CPQ: variants seen among roughly 807,000 people sequenced by gnomAD.
CPQ encodes Ser-Met dipeptidase.
Under a neutral mutation model 45.7 loss-of-function variants are expected in CPQ, and 37 were observed. The observed-to-expected ratio is 0.81, with a 90% confidence interval of 0.62 to 1.07. The LOEUF is 1.07. Among genes scored for constraint, CPQ ranks in the 50% least tolerant of loss-of-function variants. The probability of loss-of-function intolerance (pLI) is 0.00; values close to 1 mark genes in which losing one functional copy is unlikely to be tolerated. For synonymous variants in CPQ, 186 were observed against 205.8 expected (o/e 0.90, Z 0.82); for missense variants, 537 against 572.9 (o/e 0.94, Z 0.64).
chr8:96,703,807 G>A (rs1348197153), intron 1 of CPQ, among the ~76,000 whole-genome samples: 1 of 152,130 alleles, frequency 6.6e-6, no homozygotes, highest in Non-Finnish European at 1.5e-5. Flanking sequence ...TTTGGCTATA[G>A]TGAGGTTAAA....
chr8:96,863,881 A>G (rs1315881368), intron 3 of CPQ, among the ~76,000 whole-genome samples: 1 of 152,080 alleles, frequency 6.6e-6, no homozygotes, highest in Non-Finnish European at 1.5e-5. Flanking sequence ...ATACTGTATA[A>G]GTGACAGACT....
chr8:96,772,946 A>G (rs528278052), intron 1 of CPQ, among the ~76,000 whole-genome samples: 1 of 152,330 alleles, frequency 6.6e-6, no homozygotes, highest in East Asian at 1.9e-4. Flanking sequence ...AAAATCCATA[A>G]TAGAATGTTA....
chr8:97,112,094 C>T (rs1220424530), intron 7 of CPQ, among the ~76,000 whole-genome samples: 1 of 151,882 alleles, frequency 6.6e-6, no homozygotes, highest in African/African-American at 2.4e-5. Context: ...CTCCCATTTC[C>T]TATAAAATAT....
At chr8:96,927,624 C>A (rs1198472393) in intron 4 of CPQ, among the ~76,000 whole-genome samples, 1 of 152,142 alleles carries the variant, frequency 6.6e-6, no homozygotes, top group African/African-American at 2.4e-5. Context: ...GAGATAGGCA[C>A]CTTGTCAAAC....
chr8:96,802,160 T>A (rs768675996), intron 2 of CPQ, among the ~76,000 whole-genome samples: 4 of 152,164 alleles, frequency 2.6e-5, no homozygotes, highest in Non-Finnish European at 4.4e-5. Context: ...TTATCTCTTT[T>A]TTTCCCCTCT....
intron 6 of CPQ, among the ~76,000 whole-genome samples, chr8:97,032,600 G>C (rs1403756774): frequency 6.6e-6 from 1 of 152,160 alleles, no homozygotes; most frequent in African/African-American, 2.4e-5. Flanking sequence ...CTTCGTTCTG[G>C]CTTTCTAAAC....
intron 5 of CPQ, among the ~76,000 whole-genome samples, chr8:96,975,035 A>G (rs568033727): frequency 1.7e-4 from 26 of 152,204 alleles, no homozygotes; most frequent in South Asian, 8.3e-4. Context: ...TGAAATTTAA[A>G]AAGAAAAAAG....
At chr8:97,138,236 C>T (rs1368471119) in intron 7 of CPQ, among the ~76,000 whole-genome samples, 1 of 152,216 alleles carries the variant, frequency 6.6e-6, no homozygotes, top group African/African-American at 2.4e-5. Context: ...AGTTACCCCC[C>T]AGTGTCAACC....
chr8:97,013,205 G>C (rs951897005), intron 5 of CPQ, among the ~76,000 whole-genome samples: 1 of 152,010 alleles, frequency 6.6e-6, no homozygotes, highest in Non-Finnish European at 1.5e-5. Context: ...GCTTGAACCT[G>C]GGGGGCAGAG....
chr8:97,131,167 GA>G (rs1811948625), intron 7 of CPQ, among the ~76,000 whole-genome samples: 1 of 152,148 alleles, frequency 6.6e-6, no homozygotes, highest in Non-Finnish European at 1.5e-5. Flanking sequence ...CCTGGTTTGG[GA>G]AAAACCTCAC....
At chr8:97,113,640 C>T (rs1324325525) in intron 7 of CPQ, among the ~76,000 whole-genome samples, 1 of 152,118 alleles carries the variant, frequency 6.6e-6, no homozygotes, top group Non-Finnish European at 1.5e-5. Flanking sequence ...GGGCAAGTGA[C>T]CTAATCTCTC....
intron 5 of CPQ, among the ~76,000 whole-genome samples, chr8:96,987,320 A>G (rs1013035168): frequency 1.3e-5 from 2 of 152,214 alleles, no homozygotes; most frequent in African/African-American, 4.8e-5. Flanking sequence ...ACTTTAGGAC[A>G]GGAAAGTGAG....
intron 7 of CPQ, among the ~76,000 whole-genome samples, chr8:97,080,356 G>C (rs774103828): frequency 1.2e-4 from 4 of 33,876 alleles, no homozygotes; most frequent in Non-Finnish European, 3.1e-4. Flanking sequence ...TTCAGTCTTA[G>C]AGTAACATTT....
intron 7 of CPQ, among the ~76,000 whole-genome samples, chr8:97,123,020 AAAAT>A (rs1362241107): frequency 0.013 from 645 of 50,654 alleles, 50 homozygotes; most frequent in Non-Finnish European, 0.014. Context: ...AAAATAAAAT[AAAAT>A]AAATAAAATA....
chr8:96,678,659 G>GCA (rs1347262496), intron 1 of CPQ, among the ~76,000 whole-genome samples: 5 of 151,408 alleles, frequency 3.3e-5, no homozygotes, highest in Non-Finnish European at 5.9e-5. Context: ...GATTAGTGAT[G>GCA]CAAAGCATTT....
chr8:96,794,370 C>G lies in CPQ; in HGVS notation c.433+9040C>G, dbSNP rs139906108. On this transcript the variant is annotated intron_variant, in intron 2 of 7. Coordinates refer to ENST00000220763, the MANE Select transcript of CPQ (RefSeq NM_016134.4). Reference sequence around the variant, plus strand: ...CGTGGTTCAGATTCTACATTGGCCCCTTTCAGCCACAACTAGAGCGACTGG... The same window carrying G: ...CGTGGTTCAGATTCTACATTGGCCCGTTTCAGCCACAACTAGAGCGACTGG... Among the ~76,000 whole-genome samples, 742 of 152,302 alleles carry G rather than the reference C, an allele frequency of 4.9e-3. 5 individuals are homozygous for G. The highest frequency in any genetic ancestry group is 0.017 in the African/African-American group (712 of 41,566).
chr8:96,922,732 C>T (rs1812825545), intron 4 of CPQ, among the ~76,000 whole-genome samples: 1 of 152,192 alleles, frequency 6.6e-6, no homozygotes, highest in African/African-American at 2.4e-5. Context: ...AAAGATGCTA[C>T]ATATCTGTAG....
intron 6 of CPQ, among the ~76,000 whole-genome samples, chr8:97,033,592 A>T (rs1042483901): frequency 7.3e-5 from 11 of 151,512 alleles, no homozygotes; most frequent in Non-Finnish European, 1.5e-4. Flanking sequence ...GTAGGAAGAT[A>T]TTATTGTAAT....
intron 4 of CPQ, among the ~76,000 whole-genome samples, chr8:96,926,606 T>TTCTTCTTCTTCTTCTTCTTCC (rs1812888980): frequency 6.8e-6 from 1 of 148,064 alleles, no homozygotes; most frequent in Admixed American, 6.7e-5. Flanking sequence ...CTTCTTCTTC[T>TTCTTCTTCTTCTTCTTCTTCC]TCTTCTTCTT....
Sources: allele counts gnomAD v4.1 joint callset (sites outside exome capture counted in the v4.1 genomes callset), GRCh38; gene constraint gnomAD v4.1.1; transcripts MANE v1.5; gene names NCBI Gene and HGNC (gene_info 2026-07-23, HGNC 2026-07-21).